EIF4EBP3: variants seen among roughly 807,000 people sequenced by gnomAD.
EIF4EBP3 encodes eukaryotic translation initiation factor 4E binding protein 3.
In EIF4EBP3, 11 loss-of-function variants were observed where a neutral mutation model predicts 12.1. That is an observed-to-expected ratio of 0.91 (90% CI 0.57 to 1.51). The LOEUF is 1.51. EIF4EBP3 is among the 40% of genes most tolerant of loss of function. The probability of loss-of-function intolerance (pLI) is 0.00; values close to 1 mark genes in which losing one functional copy is unlikely to be tolerated. For synonymous variants in EIF4EBP3, 43 were observed against 54.2 expected (o/e 0.79, Z 0.91); for missense variants, 136 against 131.8 (o/e 1.03, Z -0.16).
intron 1 of EIF4EBP3, 125 bp downstream of exon 1, chr5:140,547,965 T>C (rs985030466): frequency 2.1e-5 from 16 of 750,530 alleles, no homozygotes; most frequent in African/African-American, 7.4e-5. Flanking sequence ...GGTTGTAGCT[T>C]TGGGGGAGAA....
At chr5:140,549,110 CTT>C in intron 2 of EIF4EBP3, 34 bp downstream of exon 2, 1 of 1,613,890 alleles carries the variant, frequency 6.2e-7, no homozygotes, top group South Asian at 1.1e-5. Context: ...TTGTCCCAGC[CTT>C]TGAGTTCAAA....
chr5:140,549,068 A>G lies in EIF4EBP3; in HGVS notation c.266A>G (p.Glu89Gly). 1 of 1,614,124 alleles carries G rather than the reference A, an allele frequency of 6.2e-7. No individual in the cohort carries two copies. Among genetic ancestry groups the G allele is most frequent in the Non-Finnish European group, 8.5e-7 (1 of 1,180,002 alleles). Reference protein sequence around the residue: ...EELKEQETEEEIPDDAQFEMD... With the variant: ...EELKEQETEEGIPDDAQFEMD... The stretch of plus-strand genomic sequence containing the variant: ...CTGAAGGAGCAGGAGACAGAGGAAG[A>G]GATACCCGGTAAGGAAAGCAGGAAT... The change falls in exon 2 of 3, where the codon GAG becomes GGG. Residue 89 changes from glutamate (E) to glycine (G), a missense_variant. Physicochemically the swap from Glu to Gly is moderately conservative, Grantham distance 98 (BLOSUM62 -2). Transcript: ENST00000310331.
chr5:140,547,729 C>G lies in EIF4EBP3; in HGVS notation c.-9C>G. On this transcript the variant is annotated 5_prime_UTR_variant, in exon 1 of 3. Coordinates refer to ENST00000310331, the MANE Select transcript of EIF4EBP3 (RefSeq NM_003732.3). ...CCAGGCGGTTACTTTGCTGCTCCTC[C>G]CGCTCGCTATGTCAACGTCCACTAG... The G allele has an allele frequency of 6.5e-7, 1 of 1,546,216 alleles. No individual in the cohort carries two copies. Among genetic ancestry groups the G allele is most frequent in the Non-Finnish European group, 8.7e-7 (1 of 1,144,302 alleles).
intron 1 of EIF4EBP3, among the ~76,000 whole-genome samples, chr5:140,548,382 C>G (rs914535513): frequency 2.6e-5 from 4 of 152,226 alleles, no homozygotes; most frequent in Non-Finnish European, 4.4e-5. Context: ...TTCCTCTGAG[C>G]TAGTGTGAAC....
In EIF4EBP3 at chr5:140,549,284, T is replaced by C. The variant is rs773677319; in HGVS notation, c.*22T>C. The C allele has an allele frequency of 1.9e-6, 3 of 1,614,154 alleles. No individual in the cohort carries two copies. Among genetic ancestry groups the C allele is most frequent in the Middle Eastern group, 1.6e-4 (1 of 6,062 alleles). On this transcript the variant is annotated 3_prime_UTR_variant, in exon 3 of 3. Coordinates refer to ENST00000310331, the MANE Select transcript of EIF4EBP3 (RefSeq NM_003732.3). ...CTAATCCAGTGCAGATGACCTGGCA[T>C]GTGGAGTTACAGAGGGATCCCTCAT...
At chr5:140,548,761 C>T (rs1301852056) in intron 1 of EIF4EBP3, 145 bp from the exon 2 acceptor site, 2 of 1,172,626 alleles carry the variant, frequency 1.7e-6, no homozygotes, top group Non-Finnish European at 2.4e-6. Context: ...GAGAACCTAG[C>T]TGGGCTTCAG....
chr5:140,549,160 G>A (rs914983293), intron 2 of EIF4EBP3, 74 bp from the exon 3 acceptor site: 6 of 1,614,186 alleles, frequency 3.7e-6, no homozygotes, highest in East Asian at 4.5e-5. Flanking sequence ...AGTTCCAAGA[G>A]GGGTTTCTGC....
At position 140,549,094 on chromosome 5, in the gene EIF4EBP3, TAAG is replaced by T. The variant is rs998683077; in HGVS notation, c.274+21_274+23del. ...GATACCCGGTAAGGAAAGCAGGAAT[TAAG>T]AATTGTCCCAGCCTTTGAGTTCAAA... On this transcript the variant is annotated intron_variant, in intron 2 of 2. Coordinates refer to ENST00000310331, the MANE Select transcript of EIF4EBP3 (RefSeq NM_003732.3). 3.7e-6 allele frequency: 6 copies of T among 1,613,786 alleles called. No individual in the cohort carries two copies. The highest frequency in any genetic ancestry group is 5.1e-6 in the Non-Finnish European group (6 of 1,179,836).
At position 140,547,845 on chromosome 5, in the gene EIF4EBP3, G is replaced by T; in HGVS notation, c.103+5G>T. The T allele has an allele frequency of 6.9e-7, 1 of 1,439,376 alleles. No homozygotes were observed. The highest frequency in any genetic ancestry group is 2.9e-5 in the East Asian group (1 of 34,746). 89.2% of individuals were successfully genotyped at this position (1,439,376 alleles called of 1,614,324 possible). A position where few individuals can be genotyped will look rare whatever the true frequency, so the allele number is the denominator to read the frequency against. ...TATACGCCACTACCCCCGGAGGTCA[G>T]CGGGCCGGGCAGGGGTCCGCAGGCT... is the stretch of plus-strand genomic sequence containing the variant. On this transcript the variant is annotated splice_donor_5th_base_variant and intron_variant, in intron 1 of 2. Transcript: ENST00000310331.
chr5:140,548,492 CT>C (rs1460633706), intron 1 of EIF4EBP3, among the ~76,000 whole-genome samples: 5 of 152,184 alleles, frequency 3.3e-5, no homozygotes, highest in African/African-American at 7.2e-5. Context: ...TTCACAACTG[CT>C]ATTTCACTTC....
chr5:140,549,390 T>G lies in EIF4EBP3; in HGVS notation c.*128T>G. The G allele has an allele frequency of 2.0e-6, 3 of 1,514,264 alleles. No homozygotes were observed. The South Asian group carries it at 3.4e-5, about 17-fold the overall frequency. The allele number at this position is 1,514,264 out of a possible 1,614,324, so 93.8% of individuals were successfully genotyped here. On this transcript the variant is annotated 3_prime_UTR_variant, in exon 3 of 3. Coordinates refer to ENST00000310331, the MANE Select transcript of EIF4EBP3 (RefSeq NM_003732.3). ...AATCTGGAAGGGAGTGACTTGTTAGTTCCAGGCCTCCTTTAGTTCTGAGGC... is the reference window on the plus strand; with the variant it reads ...AATCTGGAAGGGAGTGACTTGTTAGGTCCAGGCCTCCTTTAGTTCTGAGGC...
intron 1 of EIF4EBP3, among the ~76,000 whole-genome samples, 163 bp from the exon 2 acceptor site, chr5:140,548,743 T>C (rs1754447642): frequency 6.6e-6 from 1 of 152,194 alleles, no homozygotes; most frequent in Non-Finnish European, 1.5e-5. Flanking sequence ...TATGAAGGCT[T>C]GTCTGCTGAG....
At chr5:140,548,009 C>T (rs923127529) in intron 1 of EIF4EBP3, among the ~76,000 whole-genome samples, 169 bp downstream of exon 1, 1 of 152,256 alleles carries the variant, frequency 6.6e-6, no homozygotes, top group Non-Finnish European at 1.5e-5. Flanking sequence ...CCAAAAACTT[C>T]TAAGTGATGC....
Position 140,547,877 on chromosome 5 carries a change from A to C in EIF4EBP3, c.103+37A>C, listed in dbSNP as rs971559251. On this transcript the variant is annotated intron_variant, in intron 1 of 2. Transcript: ENST00000310331. ...GGGCAGGGGTCCGCAGGCTGCGGAC[A>C]TATTAGCGCGTGCGTGTTGTTGCGG... 10 of 1,383,276 alleles carry C rather than the reference A, an allele frequency of 7.2e-6. No homozygotes were observed. In the African/African-American group the frequency reaches 1.1e-4, roughly 15 times the overall value. The allele number at this position is 1,383,276 out of a possible 1,614,324, so 85.7% of individuals were successfully genotyped here.
intron 2 of EIF4EBP3, 25 bp downstream of exon 2, chr5:140,549,101 T>G (rs1308545620): frequency 6.2e-7 from 1 of 1,613,806 alleles, no homozygotes; most frequent in East Asian, 2.2e-5. Context: ...AATTAAGAAT[T>G]GTCCCAGCCT....
Position 140,548,055 on chromosome 5 carries a change from C to A in EIF4EBP3, c.103+215C>A, listed in dbSNP as rs142510974. Among the ~76,000 whole-genome samples, 70 of 152,354 alleles carry A rather than the reference C, an allele frequency of 4.6e-4. 1 individual carries two copies. The highest frequency in any genetic ancestry group is 6.8e-3 in the Middle Eastern group (2 of 294). ...TGAGCCTAGCTTCCGGGTGTTTGGGCTGTAATCCTTCACTGTGGCCTGGGT... is the reference window on the plus strand; with the variant it reads ...TGAGCCTAGCTTCCGGGTGTTTGGGATGTAATCCTTCACTGTGGCCTGGGT... On this transcript the variant is annotated intron_variant, in intron 1 of 2. Transcript: ENST00000310331.
In EIF4EBP3 at chr5:140,547,714, A is replaced by C; in HGVS notation, c.-24A>C. ...TCCTCGACCTCAACGCCAGGCGGTT[A>C]CTTTGCTGCTCCTCCCGCTCGCTAT... is the stretch of plus-strand genomic sequence containing the variant. On this transcript the variant is annotated 5_prime_UTR_variant, in exon 1 of 3. Transcript: ENST00000310331. 6.5e-7 allele frequency: 1 copy of C among 1,543,280 alleles called. No homozygotes were observed. Among genetic ancestry groups the C allele is most frequent in the African/African-American group, 1.4e-5 (1 of 72,578 alleles).
intron 1 of EIF4EBP3, among the ~76,000 whole-genome samples, chr5:140,548,562 G>C (rs1427416567): frequency 6.6e-6 from 1 of 152,124 alleles, no homozygotes; most frequent in Non-Finnish European, 1.5e-5. Context: ...CCAAAGCAGA[G>C]GTTTCAGAGT....
chr5:140,547,837 G>C lies in EIF4EBP3; in HGVS notation c.100G>C (p.Gly34Arg). 6.9e-7 allele frequency: 1 copy of C among 1,446,732 alleles called. No individual in the cohort carries two copies. Among genetic ancestry groups the C allele is most frequent in the Non-Finnish European group, 9.1e-7 (1 of 1,095,880 alleles). The allele number at this position is 1,446,732 out of a possible 1,614,324, so 89.6% of individuals were successfully genotyped here. The change falls in exon 1 of 3, where the codon GGA becomes CGA. Residue 34 changes from glycine (G) to arginine (R), a missense_variant. Gly to Arg is a moderately radical substitution (Grantham distance 125). Transcript: ENST00000310331. The part of the protein sequence containing the change: ...PGGTLYATTP[G>R]GTRIIYDRKF... ...GGGCACGCTATACGCCACTACCCCCGGAGGTCAGCGGGCCGGGCAGGGGTC... is the reference window on the plus strand; with the variant it reads ...GGGCACGCTATACGCCACTACCCCCCGAGGTCAGCGGGCCGGGCAGGGGTC...
Sources: allele counts gnomAD v4.1 joint callset (sites outside exome capture counted in the v4.1 genomes callset), GRCh38; gene constraint gnomAD v4.1.1; transcripts MANE v1.5; gene names NCBI Gene and HGNC (gene_info 2026-07-23, HGNC 2026-07-21).